Variants in HMCN1 observed in about 807,000 individuals in gnomAD.
HMCN1 encodes hemicentin-1.
A neutral mutation model predicts 625.9 loss-of-function variants in HMCN1; 321 were observed. The observed-to-expected ratio is 0.51, with a 90% confidence interval of 0.47 to 0.56. The LOEUF is 0.56. Among genes scored for constraint, HMCN1 ranks in the 20% least tolerant of loss-of-function variants. HMCN1 has a pLI of 0.00. For synonymous variants in HMCN1, 2,425 were observed against 2,417.6 expected, an observed-to-expected ratio of 1.00 and a Z score of -0.09; for missense variants, 6,588 against 6,887.3, an observed-to-expected ratio of 0.96 and a Z score of 1.54.
At chr1:185,767,296 T>C (rs1349345339) in intron 1 of HMCN1, among the ~76,000 whole-genome samples, 2 of 152,208 alleles carry the variant, frequency 1.3e-5, no homozygotes, top group Admixed American at 6.5e-5. Context: ...AGCTCTCCAA[T>C]AATTGAGCAA....
chr1:185,920,289 G>A (rs79925961), intron 6 of HMCN1, among the ~76,000 whole-genome samples: 8,074 of 151,946 alleles, frequency 0.053, 684 homozygotes, highest in African/African-American at 0.18. Context: ...CTTTGTTTCC[G>A]TTACCCTGGT....
Position 186,130,571 on chromosome 1 carries a change from C to T in HMCN1, c.13104C>T (p.Ile4368=), listed in dbSNP as rs1283159997. Residue 4368 remains isoleucine (I), a synonymous_variant, in exon 85 of 107, where the codon ATC becomes ATT. Coordinates refer to ENST00000271588, the MANE Select transcript of HMCN1 (RefSeq NM_031935.3). ...TTGAACCACTTGGTGGGAATGCAAT[C>T]CTGAATTGTGAGGTGAAAGGAGACC... is the stretch of plus-strand genomic sequence containing the variant. ...NWIEPLGGNA[I]LNCEVKGDPT... The T allele has an allele frequency of 6.2e-7, 1 of 1,613,402 alleles. No individual in the cohort carries two copies. Among genetic ancestry groups the T allele is most frequent in the Admixed American group, 1.7e-5 (1 of 59,912 alleles).
At chr1:185,815,711 A>G (rs1257832401) in intron 1 of HMCN1, among the ~76,000 whole-genome samples, 1 of 150,154 alleles carries the variant, frequency 6.7e-6, no homozygotes, top group African/African-American at 2.5e-5. Context: ...TCAGCAACAC[A>G]TTAGTGACAA....
intron 11 of HMCN1, among the ~76,000 whole-genome samples, chr1:185,951,755 C>A (rs146987711): frequency 6.6e-6 from 1 of 151,196 alleles, no homozygotes; most frequent in African/African-American, 2.5e-5. Context: ...ATTTCCGGCA[C>A]GTGTAGCAAG....
chr1:185,933,919 T>C, intron 11 of HMCN1, 95 bp downstream of exon 11: 10 of 917,712 alleles, frequency 1.1e-5, no homozygotes, highest in South Asian at 1.3e-5. Flanking sequence ...AGAGTGAGAG[T>C]ATCTACCCAA....
At chr1:186,151,503 T>C in intron 94 of HMCN1, 103 bp from the exon 95 acceptor site, 2 of 1,344,974 alleles carry the variant, frequency 1.5e-6, no homozygotes, top group East Asian at 4.7e-5. Context: ...GTTTCTGGTA[T>C]TCAACATTAT....
At chr1:186,043,279 G>A (rs377683695) in intron 40 of HMCN1, among the ~76,000 whole-genome samples, 2 of 152,074 alleles carry the variant, frequency 1.3e-5, no homozygotes, top group East Asian at 1.9e-4. Flanking sequence ...AGGATCTAAA[G>A]GGTAGAACTC....
At chr1:185,862,016 A>G (rs1662905030) in intron 2 of HMCN1, among the ~76,000 whole-genome samples, 1 of 152,194 alleles carries the variant, frequency 6.6e-6, no homozygotes, top group African/African-American at 2.4e-5. Flanking sequence ...GAGATAGAAC[A>G]GTAGAAAGAC....
chr1:185,866,151 A>G (rs892348618), intron 4 of HMCN1, among the ~76,000 whole-genome samples: 4 of 152,054 alleles, frequency 2.6e-5, no homozygotes, highest in African/African-American at 9.7e-5. Context: ...AGTAAGGTCA[A>G]TTTGTGTTTT....
intron 33 of HMCN1, among the ~76,000 whole-genome samples, 158 bp from the exon 34 acceptor site, chr1:186,018,025 G>C (rs529194346): frequency 6.6e-6 from 1 of 152,040 alleles, no homozygotes; most frequent in East Asian, 1.9e-4. Context: ...TCTGCGTTAG[G>C]CCGGGTTTCC....
intron 44 of HMCN1, 61 bp from the exon 45 acceptor site, chr1:186,055,332 A>T: frequency 6.7e-7 from 1 of 1,488,080 alleles, no homozygotes; most frequent in Non-Finnish European, 9.4e-7. Flanking sequence ...GAAAATTCCT[A>T]TGTAAGACTT....
chr1:185,972,815 T>C (rs748294373), intron 15 of HMCN1, among the ~76,000 whole-genome samples: 40 of 152,148 alleles, frequency 2.6e-4, no homozygotes, highest in Non-Finnish European at 5.7e-4. Flanking sequence ...ATTTGCCTTG[T>C]TTTGTGATAC....
chr1:186,039,950 A>C, intron 39 of HMCN1, 71 bp downstream of exon 39: 1 of 1,416,858 alleles, frequency 7.1e-7, no homozygotes, highest in Non-Finnish European at 1.0e-6. Flanking sequence ...CACAGGTAAA[A>C]CTGTTGAAGA....
chr1:186,084,493 T>C (rs1264680584), intron 57 of HMCN1, among the ~76,000 whole-genome samples: 2 of 152,126 alleles, frequency 1.3e-5, no homozygotes, highest in Admixed American at 1.3e-4. Context: ...GAAAATTCAT[T>C]TGAGGGGAAA....
intron 91 of HMCN1, 148 bp from the exon 92 acceptor site, chr1:186,145,255 T>C (rs1650237309): frequency 4.3e-6 from 3 of 700,184 alleles, no homozygotes; most frequent in Non-Finnish European, 7.0e-6. Context: ...ACTATCTTCC[T>C]TTGGAAGTTG....
intron 1 of HMCN1, among the ~76,000 whole-genome samples, chr1:185,840,449 G>A (rs905497604): frequency 2.0e-5 from 3 of 152,162 alleles, no homozygotes; most frequent in Non-Finnish European, 2.9e-5. Context: ...ATGGCATTTT[G>A]AGGAGGCCAC....
intron 1 of HMCN1, among the ~76,000 whole-genome samples, chr1:185,819,579 T>A (rs1660060526): frequency 6.6e-6 from 1 of 152,160 alleles, no homozygotes; most frequent in Non-Finnish European, 1.5e-5. Flanking sequence ...AATTGGCCAG[T>A]TATTCTTGCG....
intron 6 of HMCN1, among the ~76,000 whole-genome samples, chr1:185,916,341 A>G (rs961551383): frequency 2.6e-5 from 4 of 152,118 alleles, no homozygotes; most frequent in African/African-American, 9.7e-5. Context: ...TTCATTACTT[A>G]AAGTCTTTTT....
chr1:186,114,523 T>A (rs2102473130), intron 73 of HMCN1, among the ~76,000 whole-genome samples: 1 of 152,332 alleles, frequency 6.6e-6, no homozygotes, highest in Non-Finnish European at 1.5e-5. Flanking sequence ...CCTTCCACAG[T>A]GCTGGGATTA....
Sources: allele counts gnomAD v4.1 joint callset (sites outside exome capture counted in the v4.1 genomes callset), GRCh38; gene constraint gnomAD v4.1.1; transcripts MANE v1.5; gene names NCBI Gene and HGNC (gene_info 2026-07-23, HGNC 2026-07-21).